Variants in FAM117B observed in about 807,000 individuals in gnomAD.
FAM117B encodes protein FAM117B.
A neutral mutation model predicts 52.8 loss-of-function variants in FAM117B; 22 were observed. That is an observed-to-expected ratio of 0.42 (90% CI 0.30 to 0.59). The LOEUF (loss-of-function observed/expected upper bound fraction) is 0.59, where lower values mean the gene tolerates loss of function less well. FAM117B is among the 20% of genes least tolerant of loss of function. The pLI is 0.22. For missense variants in FAM117B, 678 were observed against 802.6 expected (o/e 0.84, Z 1.88); for synonymous variants, 309 against 324.1 (o/e 0.95, Z 0.50).
intron 1 of FAM117B, among the ~76,000 whole-genome samples, chr2:202,672,460 C>A (rs887753243): frequency 6.6e-6 from 1 of 152,170 alleles, no homozygotes; most frequent in South Asian, 2.1e-4. Context: ...GTGATCCACC[C>A]GCCTTAGCCT....
intron 4 of FAM117B, among the ~76,000 whole-genome samples, chr2:202,734,874 A>G (rs1691415359): frequency 6.6e-6 from 1 of 152,262 alleles, no homozygotes; most frequent in South Asian, 2.1e-4. Flanking sequence ...CAAGCTCATT[A>G]TAGAAATTTT....
At chr2:202,711,276 A>G (rs78403703) in intron 2 of FAM117B, among the ~76,000 whole-genome samples, 12,561 of 152,068 alleles carry the variant, frequency 0.083, 1,733 homozygotes, top group African/African-American at 0.28. Flanking sequence ...ATGGCATCTC[A>G]TTGTAGTTTT....
At chr2:202,743,119 T>A (rs1691574951) in intron 4 of FAM117B, among the ~76,000 whole-genome samples, 1 of 152,202 alleles carries the variant, frequency 6.6e-6, no homozygotes, top group Admixed American at 6.5e-5. Flanking sequence ...ATACTGGTGC[T>A]TGTCTGTGCC....
chr2:202,705,183 G>T (rs1251714981), intron 2 of FAM117B, among the ~76,000 whole-genome samples: 1 of 151,958 alleles, frequency 6.6e-6, no homozygotes, highest in Non-Finnish European at 1.5e-5. Context: ...GCGCATGCCT[G>T]TAATCCCAGC....
At chr2:202,686,003 C>T (rs1055925525) in intron 1 of FAM117B, among the ~76,000 whole-genome samples, 26 of 152,164 alleles carry the variant, frequency 1.7e-4, no homozygotes, top group Non-Finnish European at 3.2e-4. Context: ...AAAAAGAAGA[C>T]AAGGCAAAAC....
At chr2:202,760,838 A>G (rs1178754954) in intron 7 of FAM117B, among the ~76,000 whole-genome samples, 1 of 152,164 alleles carries the variant, frequency 6.6e-6, no homozygotes, top group East Asian at 1.9e-4. Context: ...GAAAGCAGAA[A>G]TGGGCTCATT....
intron 1 of FAM117B, among the ~76,000 whole-genome samples, chr2:202,653,076 A>G (rs1449463961): frequency 7.2e-5 from 11 of 152,132 alleles, no homozygotes; most frequent in Non-Finnish European, 1.6e-4. Context: ...AGACCAGCCT[A>G]GGCAACATAG....
chr2:202,671,274 GAGAC>G (rs1281872393), intron 1 of FAM117B, among the ~76,000 whole-genome samples: 1 of 152,246 alleles, frequency 6.6e-6, no homozygotes, highest in Non-Finnish European at 1.5e-5. Flanking sequence ...AAGTAGGAAA[GAGAC>G]AGGGAAGGGA....
intron 3 of FAM117B, among the ~76,000 whole-genome samples, chr2:202,725,868 T>C (rs1014492468): frequency 8.5e-5 from 13 of 152,256 alleles, no homozygotes; most frequent in Non-Finnish European, 1.5e-5. Flanking sequence ...TTTTAAATAC[T>C]GTGTAATTTT....
At chr2:202,705,339 T>C (rs1281104354) in intron 2 of FAM117B, among the ~76,000 whole-genome samples, 1 of 151,986 alleles carries the variant, frequency 6.6e-6, no homozygotes, top group East Asian at 1.9e-4. Context: ...GTTAAGAACA[T>C]GGAACAAGTT....
chr2:202,647,725 G>A (rs1689892017), intron 1 of FAM117B, among the ~76,000 whole-genome samples: 5 of 152,208 alleles, frequency 3.3e-5, no homozygotes, highest in Admixed American at 3.3e-4. Flanking sequence ...CTAAACATCT[G>A]CTTCCAAAAC....
In FAM117B at chr2:202,765,708, A is replaced by T. The variant is rs777773978; in HGVS notation, c.1714A>T (p.Met572Leu). ...DRVSRGTSTV[M>L]PSASLLPPPE... ...AGTCTCTCGAGGAACAAGTACAGTC[A>T]TGCCATCAGCTTCTCTACTCCCACC... The change falls in exon 8 of 8, where the codon ATG becomes TTG. Residue 572 changes from methionine (M) to leucine (L), a missense_variant. Transcript: ENST00000392238. 6.2e-7 allele frequency: 1 copy of T among 1,614,160 alleles called. No individual in the cohort carries two copies. Among genetic ancestry groups the T allele is most frequent in the East Asian group, 2.2e-5 (1 of 44,876 alleles).
At chr2:202,725,492 T>C (rs1425372539) in intron 3 of FAM117B, among the ~76,000 whole-genome samples, 1 of 152,080 alleles carries the variant, frequency 6.6e-6, no homozygotes, top group Non-Finnish European at 1.5e-5. Flanking sequence ...CTAATTTTTG[T>C]ATTTTCAGTA....
chr2:202,729,975 T>C (rs1200346989), intron 4 of FAM117B, among the ~76,000 whole-genome samples: 1 of 152,148 alleles, frequency 6.6e-6, no homozygotes. Flanking sequence ...AGGGAAATAA[T>C]TTAAGAATAG....
intron 2 of FAM117B, among the ~76,000 whole-genome samples, chr2:202,719,838 A>T (rs1030364182): frequency 3.3e-5 from 5 of 152,128 alleles, no homozygotes; most frequent in African/African-American, 9.7e-5. Flanking sequence ...TGAGTCTTTC[A>T]TGACATTAAT....
intron 1 of FAM117B, among the ~76,000 whole-genome samples, chr2:202,668,536 A>AAG (rs1451058374): frequency 2.0e-5 from 3 of 148,244 alleles, no homozygotes; most frequent in East Asian, 1.9e-4. Flanking sequence ...TCAAAAAAAA[A>AAG]AAAAAAAAAA....
chr2:202,691,655 G>GTGTGTGTGTGTA lies in FAM117B; in HGVS notation c.602-4215_602-4214insATGTGTGTGTGT, dbSNP rs1553520250. 8.9e-5 allele frequency among the ~76,000 whole-genome samples: 8 copies of GTGTGTGTGTGTA among 89,432 alleles called. No homozygotes were observed. In the South Asian group the frequency reaches 9.9e-4, roughly 11 times the overall value. The allele number at this position is 89,432 out of a possible 152,430, so 58.7% of individuals were successfully genotyped here. On this transcript the variant is annotated intron_variant, in intron 1 of 7. Transcript: ENST00000392238. Reference sequence around the variant, plus strand: ...GCATATATACCAGTTTACATTGTGTGTGTGTGTGTGTGTGTGTGTGTGTGT... The same window carrying GTGTGTGTGTGTA: ...GCATATATACCAGTTTACATTGTGTGTGTGTGTGTGTATGTGTGTGTGTGTGTGTGTGTGTGT...
intron 4 of FAM117B, among the ~76,000 whole-genome samples, chr2:202,747,061 A>G (rs1388297532): frequency 6.6e-6 from 1 of 152,162 alleles, no homozygotes; most frequent in East Asian, 1.9e-4. Context: ...CTAACAACAC[A>G]TCAAAAAGGT....
chr2:202,693,334 TGTG>T (rs138494664), intron 1 of FAM117B, among the ~76,000 whole-genome samples: 3 of 152,002 alleles, frequency 2.0e-5, no homozygotes, highest in Admixed American at 2.0e-4. Flanking sequence ...ACTGGCCGGG[TGTG>T]GTGCCTCATG....
Sources: gnomAD v4.1 joint callset for allele counts (sites outside exome capture counted in the v4.1 genomes callset) on GRCh38, gnomAD v4.1.1 for gene constraint, MANE v1.5 for transcripts, NCBI Gene and HGNC (gene_info 2026-07-23, HGNC 2026-07-21) for gene names.